The following RTN4 variants were observed in gnomAD, a reference collection of about 807,000 sequenced individuals.
RTN4 encodes reticulon-4.
Under a neutral mutation model 90.4 loss-of-function variants are expected in RTN4, and 32 were observed. The observed-to-expected ratio is 0.35, with a 90% CI of 0.27 to 0.48. The LOEUF is 0.48. Among genes scored for constraint, RTN4 ranks in the 20% least tolerant of loss-of-function variants. The probability of loss-of-function intolerance (pLI) is 0.99; values close to 1 mark genes in which losing one functional copy is unlikely to be tolerated. For synonymous variants in RTN4, 629 were observed against 552.5 expected, an observed-to-expected ratio of 1.14 and a Z score of -1.94; for missense variants, 1,706 against 1,430.2, an observed-to-expected ratio of 1.19 and a Z score of -3.11.
intron 5 of RTN4, among the ~76,000 whole-genome samples, chr2:54,978,167 C>T (rs1448830861): frequency 1.3e-5 from 2 of 152,186 alleles, no homozygotes; most frequent in African/African-American, 2.4e-5. Context: ...TGGTGGCTCA[C>T]ACCTGTAATC....
At chr2:55,005,041 A>G (rs1030978283) in intron 3 of RTN4, among the ~76,000 whole-genome samples, 6 of 152,254 alleles carry the variant, frequency 3.9e-5, no homozygotes, top group Admixed American at 6.5e-5. Context: ...GGCAAAGAAC[A>G]GGTATGTTTA....
At chr2:55,006,684 C>G (rs376413852) in intron 3 of RTN4, among the ~76,000 whole-genome samples, 1 of 152,110 alleles carries the variant, frequency 6.6e-6, no homozygotes, top group Non-Finnish European at 1.5e-5. Context: ...AGTACTGTAA[C>G]AATAAAGAAC....
intron 1 of RTN4, among the ~76,000 whole-genome samples, chr2:55,082,143 C>T (rs2105031773): frequency 6.6e-6 from 1 of 152,196 alleles, no homozygotes; most frequent in South Asian, 2.1e-4. Context: ...AATCTCTTTA[C>T]AGAGATTATT....
intron 2 of RTN4, among the ~76,000 whole-genome samples, chr2:55,067,695 G>A (rs181256036): frequency 2.6e-5 from 4 of 152,232 alleles, no homozygotes; most frequent in Admixed American, 6.5e-5. Flanking sequence ...GATTACAGGC[G>A]TGAGCCCCAC....
At chr2:55,088,777 C>T (rs935837955) in intron 1 of RTN4, among the ~76,000 whole-genome samples, 7 of 152,012 alleles carry the variant, frequency 4.6e-5, no homozygotes, top group East Asian at 1.9e-4. Context: ...GGGAGGAACA[C>T]AGAAAAGGAG....
chr2:55,038,033 A>G (rs1682808831), intron 1 of RTN4, among the ~76,000 whole-genome samples: 1 of 152,190 alleles, frequency 6.6e-6, no homozygotes, highest in South Asian at 2.1e-4. Flanking sequence ...TAGAAAGAGA[A>G]AAATATTTTC....
chr2:55,017,242 AG>A (rs1305551267), intron 3 of RTN4, among the ~76,000 whole-genome samples: 1 of 152,214 alleles, frequency 6.6e-6, no homozygotes, highest in Non-Finnish European at 1.5e-5. Flanking sequence ...TAGTATCTAC[AG>A]TACTTCAGTA....
upstream of RTN4, among the ~76,000 whole-genome samples, chr2:55,055,380 T>G (rs1668170123): frequency 6.6e-6 from 1 of 152,012 alleles, no homozygotes; most frequent in Non-Finnish European, 1.5e-5. Flanking sequence ...TACTTAAAGG[T>G]TGAAGTGTAA....
At chr2:54,978,145 G>T (rs890441875) in intron 5 of RTN4, among the ~76,000 whole-genome samples, 3 of 152,138 alleles carry the variant, frequency 2.0e-5, no homozygotes, top group Non-Finnish European at 4.4e-5. Context: ...AGTCATAATT[G>T]TAGGCTGGGC....
At chr2:55,010,234 A>C in intron 3 of RTN4, 1 of 1,571,868 alleles carries the variant, frequency 6.4e-7, no homozygotes, top group Non-Finnish European at 8.6e-7. Context: ...CCTCAACCGA[A>C]GTCTGCAGTC....
At chr2:55,035,724 A>G (rs1682630973) in intron 1 of RTN4, among the ~76,000 whole-genome samples, 1 of 152,156 alleles carries the variant, frequency 6.6e-6, no homozygotes, top group Non-Finnish European at 1.5e-5. Context: ...AGAGACAGAG[A>G]GAGGAAGCAA....
At chr2:55,017,551 T>C (rs1159122724) in intron 3 of RTN4, among the ~76,000 whole-genome samples, 1 of 152,164 alleles carries the variant, frequency 6.6e-6, no homozygotes. Flanking sequence ...CAAGACACAA[T>C]CTATATTTCG....
chr2:54,999,231 C>T (rs1031330387), intron 3 of RTN4, among the ~76,000 whole-genome samples: 4 of 152,158 alleles, frequency 2.6e-5, no homozygotes. Context: ...TAACTCAGTA[C>T]ACTTAAATCT....
intron 3 of RTN4, among the ~76,000 whole-genome samples, chr2:55,024,598 A>T (rs1681680414): frequency 6.6e-6 from 1 of 152,134 alleles, no homozygotes; most frequent in Admixed American, 6.6e-5. Context: ...TTTTCAACAA[A>T]ATGTCTACAC....
At chr2:55,122,994 T>C in the RTN4 span, among the ~76,000 whole-genome samples, 2 of 152,258 alleles carry the variant, frequency 1.3e-5, no homozygotes, top group Non-Finnish European at 2.9e-5. Flanking sequence ...TCCAAAGAGT[T>C]TGGAATCTCT....
chr2:55,039,559 C>T (rs10182203), intron 1 of RTN4, among the ~76,000 whole-genome samples: 28,646 of 152,134 alleles, frequency 0.19, 5,390 homozygotes, highest in African/African-American at 0.49. Context: ...GCAGGTGAAT[C>T]ACCTGAGGTC....
intron 2 of RTN4, among the ~76,000 whole-genome samples, chr2:55,071,769 T>C (rs1668519164): frequency 6.6e-6 from 1 of 152,134 alleles, no homozygotes; most frequent in African/African-American, 2.4e-5. Context: ...CCTGAATCTT[T>C]TTAGAGATTC....
upstream of RTN4, among the ~76,000 whole-genome samples, chr2:55,052,764 T>G (rs1265662127): frequency 5.3e-5 from 8 of 152,244 alleles, no homozygotes; most frequent in Non-Finnish European, 1.2e-4. Context: ...ATACTAACAG[T>G]ATTTTATGAT....
chr2:55,094,425 A>G (rs1573513439), intron 1 of RTN4, among the ~76,000 whole-genome samples: 2 of 152,236 alleles, frequency 1.3e-5, no homozygotes, highest in South Asian at 4.1e-4. Flanking sequence ...AATTAAGCAG[A>G]TAATTCCTGA....
Sources: allele counts gnomAD v4.1 joint callset (sites outside exome capture counted in the v4.1 genomes callset), GRCh38; gene constraint gnomAD v4.1.1; transcripts MANE v1.5; gene names NCBI Gene and HGNC (gene_info 2026-07-23, HGNC 2026-07-21).